STAG1: variants seen among roughly 807,000 people sequenced by gnomAD.
The protein encoded by STAG1 is cohesin subunit SA-1.
Under a neutral mutation model 170.9 loss-of-function variants are expected in STAG1, and 26 were observed. That is an observed-to-expected ratio of 0.15 (90% CI 0.11 to 0.21). The LOEUF (loss-of-function observed/expected upper bound fraction) is 0.21. STAG1 is among the 10% of genes least tolerant of loss of function. STAG1 has a pLI of 1.00. For missense variants in STAG1, 964 were observed against 1,509.5 expected (o/e 0.64, Z 5.99); for synonymous variants, 514 against 497.7 (o/e 1.03, Z -0.44).
intron 1 of STAG1, among the ~76,000 whole-genome samples, chr3:136,746,811 A>G (rs1934955918): frequency 6.6e-6 from 1 of 151,874 alleles, no homozygotes; most frequent in Non-Finnish European, 1.5e-5. Flanking sequence ...AAAATTAGCC[A>G]GGCAGCCAGG....
chr3:136,418,728 G>A (rs1025075909), intron 20 of STAG1, among the ~76,000 whole-genome samples: 4 of 151,622 alleles, frequency 2.6e-5, no homozygotes, highest in Non-Finnish European at 5.9e-5. Flanking sequence ...TGCAACCTCC[G>A]CCTCCCGGGT....
chr3:136,340,632 A>G, intron 31 of STAG1, 27 bp from the exon 32 acceptor site: 1 of 1,462,068 alleles, frequency 6.8e-7, no homozygotes, highest in Non-Finnish European at 9.6e-7. Flanking sequence ...ATTGTCAGAA[A>G]GCTCATCAGA....
At chr3:136,477,080 T>C (rs1448406099) in intron 10 of STAG1, among the ~76,000 whole-genome samples, 2 of 152,184 alleles carry the variant, frequency 1.3e-5, no homozygotes, top group Non-Finnish European at 2.9e-5. Context: ...CAAGACAATA[T>C]TGTAACTAAA....
At chr3:136,448,328 A>G (rs1027879865) in intron 14 of STAG1, among the ~76,000 whole-genome samples, 1 of 152,198 alleles carries the variant, frequency 6.6e-6, no homozygotes, top group Non-Finnish European at 1.5e-5. Flanking sequence ...GAAATTTATA[A>G]GGGAAAGAGA....
At position 136,630,953 on chromosome 3, in the gene STAG1, A is replaced by G; in HGVS notation, c.-55T>C. On this transcript the variant is annotated 5_prime_UTR_variant, in exon 2 of 34. Coordinates refer to ENST00000383202, the MANE Select transcript of STAG1 (RefSeq NM_005862.3). Reference sequence around the variant, plus strand: ...AAATAATCAAGTGCTGTACAACTCAAAACTTTTAAAATAACCTCAAAGGCA... The same window carrying G: ...AAATAATCAAGTGCTGTACAACTCAGAACTTTTAAAATAACCTCAAAGGCA... 2 of 1,482,564 alleles carry G rather than the reference A, an allele frequency of 1.3e-6. No individual in the cohort carries two copies. Among genetic ancestry groups the G allele is most frequent in the Middle Eastern group, 3.7e-4 (2 of 5,472 alleles). The allele number at this position is 1,482,564 out of a possible 1,614,324, so 91.8% of individuals were successfully genotyped here.
chr3:136,397,010 C>A (rs555260337), intron 22 of STAG1, among the ~76,000 whole-genome samples: 12 of 152,202 alleles, frequency 7.9e-5, no homozygotes, highest in South Asian at 6.2e-4. Context: ...CAAATTGTTA[C>A]TCAGAAAGGA....
At chr3:136,496,336 C>T (rs560394943) in intron 9 of STAG1, among the ~76,000 whole-genome samples, 1 of 152,152 alleles carries the variant, frequency 6.6e-6, no homozygotes, top group Admixed American at 6.6e-5. Context: ...ACCTTATTTT[C>T]TTGAGGTATA....
chr3:136,446,734 T>C (rs2088792270), intron 14 of STAG1, among the ~76,000 whole-genome samples: 1 of 149,884 alleles, frequency 6.7e-6, no homozygotes, highest in African/African-American at 2.4e-5. Context: ...CCCTTGTTTC[T>C]GTTCTCCTAC....
intron 23 of STAG1, among the ~76,000 whole-genome samples, chr3:136,377,203 T>C (rs1331958833): frequency 1.3e-5 from 2 of 148,460 alleles, no homozygotes; most frequent in Admixed American, 6.7e-5. Context: ...ATCGAGACCA[T>C]GGTGAAACCC....
intron 1 of STAG1, among the ~76,000 whole-genome samples, chr3:136,670,952 G>A (rs1941962955): frequency 6.6e-6 from 1 of 152,126 alleles, no homozygotes. Context: ...ACTCAAAAGT[G>A]AAGAGGCTCT....
At chr3:136,617,992 G>A (rs767508527) in intron 3 of STAG1, among the ~76,000 whole-genome samples, 1 of 152,142 alleles carries the variant, frequency 6.6e-6, no homozygotes, top group African/African-American at 2.4e-5. Context: ...CATCTTCTAT[G>A]TATGAATAGA....
chr3:136,695,422 G>A (rs1942855063), intron 1 of STAG1, among the ~76,000 whole-genome samples: 1 of 150,994 alleles, frequency 6.6e-6, no homozygotes, highest in Non-Finnish European at 1.5e-5. Context: ...GGGCAACAGA[G>A]TGAGACTCTG....
chr3:136,536,854 A>G (rs1296265626), intron 6 of STAG1, among the ~76,000 whole-genome samples: 2 of 152,144 alleles, frequency 1.3e-5, no homozygotes, highest in Non-Finnish European at 2.9e-5. Context: ...AGGGATAACA[A>G]TATTATAAAC....
At chr3:136,603,539 G>A (rs1938783892) in intron 4 of STAG1, among the ~76,000 whole-genome samples, 1 of 152,142 alleles carries the variant, frequency 6.6e-6, no homozygotes, top group South Asian at 2.1e-4. Context: ...TGAGAATGGT[G>A]CTCCTGCAGA....
chr3:136,574,411 A>T (rs576309096), intron 4 of STAG1, among the ~76,000 whole-genome samples: 253 of 152,136 alleles, frequency 1.7e-3, no homozygotes, highest in Non-Finnish European at 2.7e-3. Context: ...TATAACAATA[A>T]CAGGTTTCTT....
chr3:136,402,860 G>GACC (rs941450874), intron 21 of STAG1, among the ~76,000 whole-genome samples: 4 of 151,920 alleles, frequency 2.6e-5, no homozygotes, highest in Non-Finnish European at 5.9e-5. Context: ...TCAGGTTTCA[G>GACC]ATCACTCAAG....
At chr3:136,392,968 T>C (rs1257760476) in intron 22 of STAG1, among the ~76,000 whole-genome samples, 1 of 152,128 alleles carries the variant, frequency 6.6e-6, no homozygotes, top group Admixed American at 6.6e-5. Flanking sequence ...AAGCATATTT[T>C]ATTAATAAAA....
At chr3:136,532,449 T>C (rs929241678) in intron 6 of STAG1, among the ~76,000 whole-genome samples, 1 of 152,188 alleles carries the variant, frequency 6.6e-6, no homozygotes, top group Non-Finnish European at 1.5e-5. Context: ...TGAGGAGGAC[T>C]GGTGTTATTT....
At chr3:136,541,538 T>TCACACACACACACACTCACA (rs1935899379) in intron 6 of STAG1, among the ~76,000 whole-genome samples, 5 of 123,216 alleles carry the variant, frequency 4.1e-5, no homozygotes, top group South Asian at 5.6e-4. Flanking sequence ...AGCTTAACAT[T>TCACACACACACACACTCACA]CACACACACA....
Sources: allele counts gnomAD v4.1 joint callset (sites outside exome capture counted in the v4.1 genomes callset), GRCh38; gene constraint gnomAD v4.1.1; transcripts MANE v1.5; gene names NCBI Gene and HGNC (gene_info 2026-07-23, HGNC 2026-07-21).